Variants in CYTH3 observed in about 807,000 individuals in gnomAD.
CYTH3 encodes the protein cytohesin-3.
A neutral mutation model predicts 55.1 loss-of-function variants in CYTH3; 23 were observed. The observed-to-expected ratio is 0.42, with a 90% CI of 0.30 to 0.59. The LOEUF is 0.59. CYTH3 is among the 20% of genes least tolerant of loss of function. The pLI, the probability that CYTH3 is intolerant of heterozygous loss-of-function variation, is 0.20. For missense variants in CYTH3, 413 were observed against 524.8 expected, an observed-to-expected ratio of 0.79 and a Z score of 2.08; for synonymous variants, 249 against 194.9, an observed-to-expected ratio of 1.28 and a Z score of -2.31.
At chr7:6,238,535 C>T (rs1349634904) in intron 1 of CYTH3, among the ~76,000 whole-genome samples, 2 of 152,134 alleles carry the variant, frequency 1.3e-5, no homozygotes, top group Non-Finnish European at 2.9e-5. Context: ...AACAGGCAGG[C>T]ATATTGAGTA....
intron 1 of CYTH3, among the ~76,000 whole-genome samples, chr7:6,202,661 C>T (rs1051363840): frequency 2.0e-5 from 3 of 152,156 alleles, no homozygotes; most frequent in Non-Finnish European, 4.4e-5. Flanking sequence ...AGGGGTTTCT[C>T]CATGTTAGGC....
chr7:6,178,373 C>T (rs1450478290), intron 4 of CYTH3, among the ~76,000 whole-genome samples: 1 of 152,252 alleles, frequency 6.6e-6, no homozygotes, highest in African/African-American at 2.4e-5. Flanking sequence ...CTGGTCCCCG[C>T]TCCCTGCCAC....
intron 1 of CYTH3, among the ~76,000 whole-genome samples, chr7:6,228,197 T>C (rs1779300331): frequency 6.6e-6 from 1 of 152,240 alleles, no homozygotes; most frequent in Admixed American, 6.5e-5. Flanking sequence ...CTCACCTTTT[T>C]TCCAGTTTCA....
intron 2 of CYTH3, 102 bp downstream of exon 2, chr7:6,190,347 T>TG: frequency 4.1e-6 from 1 of 245,096 alleles, no homozygotes; most frequent in East Asian, 1.3e-4. Context: ...TGTTTTTGGG[T>TG]TTTTTTTTTT....
chr7:6,165,472 C>T, intron 11 of CYTH3, 45 bp from the exon 12 acceptor site: 2 of 1,608,712 alleles, frequency 1.2e-6, no homozygotes, highest in Non-Finnish European at 1.7e-6. Flanking sequence ...GGGCTTGGGG[C>T]AGGTTCCCTG....
rs146326637 is a variant in CYTH3, at chr7:6,235,006, A to T, written c.34+37468T>A. 4.9e-4 allele frequency among the ~76,000 whole-genome samples: 75 copies of T among 152,208 alleles called. No homozygotes were observed. The East Asian group carries it at 0.014, about 28-fold the overall frequency. On this transcript the variant is annotated intron_variant, in intron 1 of 12. Transcript: ENST00000350796. Reference sequence around the variant, plus strand: ...AGTGCCTTGCATCTGGTCCTAAATGATGTTCCCAATTTCATATCCCACCAA... The same window carrying T: ...AGTGCCTTGCATCTGGTCCTAAATGTTGTTCCCAATTTCATATCCCACCAA...
intron 1 of CYTH3, among the ~76,000 whole-genome samples, chr7:6,261,095 G>C (rs1780340727): frequency 1.3e-5 from 2 of 152,318 alleles, no homozygotes; most frequent in South Asian, 4.1e-4. Flanking sequence ...CATGCAGTGA[G>C]GACTCTGGAG....
At chr7:6,189,978 G>A (rs1783755721) in intron 2 of CYTH3, among the ~76,000 whole-genome samples, 1 of 152,160 alleles carries the variant, frequency 6.6e-6, no homozygotes, top group African/African-American at 2.4e-5. Flanking sequence ...AAAGGATGCA[G>A]TGAGCCCAGA....
At chr7:6,230,642 A>G (rs1052528152) in intron 1 of CYTH3, among the ~76,000 whole-genome samples, 2 of 152,202 alleles carry the variant, frequency 1.3e-5, no homozygotes, top group Non-Finnish European at 2.9e-5. Context: ...CACGGATCCA[A>G]TGCAGCCACA....
chr7:6,251,708 T>C (rs1779976148), intron 1 of CYTH3, among the ~76,000 whole-genome samples: 1 of 152,188 alleles, frequency 6.6e-6, no homozygotes. Flanking sequence ...ACTGATGCCC[T>C]GAACCACGGA....
intron 1 of CYTH3, among the ~76,000 whole-genome samples, chr7:6,239,589 A>T (rs568196532): frequency 6.6e-5 from 10 of 152,352 alleles, no homozygotes; most frequent in African/African-American, 2.4e-4. Context: ...ATCACTTGCT[A>T]AAGAAATGAC....
At chr7:6,252,763 C>G (rs2115049556) in intron 1 of CYTH3, among the ~76,000 whole-genome samples, 1 of 152,322 alleles carries the variant, frequency 6.6e-6, no homozygotes, top group African/African-American at 2.4e-5. Flanking sequence ...ATCCAAGGAT[C>G]TGACAGCAAA....
chr7:6,207,282 G>C (rs1784214853), intron 1 of CYTH3, among the ~76,000 whole-genome samples: 1 of 151,778 alleles, frequency 6.6e-6, no homozygotes, highest in African/African-American at 2.4e-5. Flanking sequence ...TTTTAGTAGA[G>C]ACAGGGCTTC....
In CYTH3 at chr7:6,167,886, G is replaced by A. The variant is rs1196064593; in HGVS notation, c.824-2076C>T. On this transcript the variant is annotated intron_variant, in intron 9 of 12. Transcript: ENST00000350796. The surrounding 1 kb of genome is among the most constrained non-coding windows in gnomAD (Gnocchi z 5.5). Reference sequence around the variant, plus strand: ...CCAGGTGGCCTCTCAGCTCCACCTTGGGTCCCCCGCTCACACCTCCCATGC... The same window carrying A: ...CCAGGTGGCCTCTCAGCTCCACCTTAGGTCCCCCGCTCACACCTCCCATGC... Among the ~76,000 whole-genome samples the A allele has an allele frequency of 6.6e-6, 1 of 152,204 alleles. No homozygotes were observed. The highest frequency in any genetic ancestry group is 2.4e-5 in the African/African-American group (1 of 41,452).
chr7:6,196,758 G>C (rs1783944207), intron 1 of CYTH3, among the ~76,000 whole-genome samples: 1 of 152,150 alleles, frequency 6.6e-6, no homozygotes, highest in East Asian at 1.9e-4. Flanking sequence ...ACCGCGCCCA[G>C]CCGCATCTTA....
intron 1 of CYTH3, among the ~76,000 whole-genome samples, chr7:6,215,589 CAA>C (rs35017027): frequency 1.3e-4 from 8 of 61,448 alleles, no homozygotes; most frequent in Middle Eastern, 9.6e-3. Context: ...GTCTCCATCT[CAA>C]AAAAAAAAAA....
rs922183182 is a variant in CYTH3, at chr7:6,225,576, G to A, written c.35-35045C>T. On this transcript the variant is annotated intron_variant, in intron 1 of 12. Transcript: ENST00000350796. The stretch of plus-strand genomic sequence containing the variant: ...TCTCCATGTTGGTCAGGCTGGTCTC[G>A]AACACCCGACCTCAGGTGATCCACC... Among the ~76,000 whole-genome samples the A allele has an allele frequency of 6.6e-5, 10 of 151,816 alleles. 1 individual carries two copies. The highest frequency in any genetic ancestry group is 1.3e-4 in the Non-Finnish European group (9 of 67,998).
Position 6,268,616 on chromosome 7 carries a change from A to G in CYTH3, c.34+3858T>C, listed in dbSNP as rs558616574. ...TCTCTTGCTTGCTGATGGACACTCAAGGCAATAAATAATCTTGTACCTATG... is the reference window on the plus strand; with the variant it reads ...TCTCTTGCTTGCTGATGGACACTCAGGGCAATAAATAATCTTGTACCTATG... On this transcript the variant is annotated intron_variant, in intron 1 of 12. Coordinates refer to ENST00000350796, the MANE Select transcript of CYTH3 (RefSeq NM_004227.4). Among the ~76,000 whole-genome samples, 7 of 152,316 alleles carry G rather than the reference A, an allele frequency of 4.6e-5. No homozygotes were observed. The East Asian group carries it at 1.3e-3, about 29-fold the overall frequency.
intron 1 of CYTH3, among the ~76,000 whole-genome samples, chr7:6,208,793 T>C (rs1299015488): frequency 1.3e-5 from 2 of 152,184 alleles, no homozygotes; most frequent in East Asian, 3.9e-4. Context: ...TCCCAAGGTG[T>C]TGGGATTACA....
Sources: allele counts gnomAD v4.1 joint callset (sites outside exome capture counted in the v4.1 genomes callset), GRCh38; gene constraint gnomAD v4.1.1; non-coding constraint Gnocchi (gnomAD v3.1); transcripts MANE v1.5; gene names NCBI Gene and HGNC (gene_info 2026-07-23, HGNC 2026-07-21).